The following SERPINI1 variants were observed in gnomAD, a reference collection of about 807,000 sequenced individuals.
SERPINI1 encodes neuroserpin.
A neutral mutation model predicts 41.1 loss-of-function variants in SERPINI1; 19 were observed. The ratio of observed to expected loss-of-function variants is 0.46; its 90% CI spans 0.32 to 0.68. SERPINI1 has a LOEUF of 0.68. SERPINI1 is among the 30% of genes least tolerant of loss of function. The pLI is 0.03. For synonymous variants in SERPINI1, 138 were observed against 156.6 expected, an observed-to-expected ratio of 0.88 and a Z score of 0.89; for missense variants, 460 against 479.2, an observed-to-expected ratio of 0.96 and a Z score of 0.37.
At position 167,761,719 on chromosome 3, in the gene SERPINI1, A is replaced by G. The variant is rs149516664; in HGVS notation, c.-19+25896A>G. Among the ~76,000 whole-genome samples, 4 of 152,320 alleles carry G rather than the reference A, an allele frequency of 2.6e-5. No individual in the cohort carries two copies. The East Asian group carries it at 5.8e-4, about 22-fold the overall frequency. On this transcript the variant is annotated intron_variant, in intron 1 of 8. Coordinates refer to ENST00000446050, the MANE Select transcript of SERPINI1 (RefSeq NM_001122752.2). Reference sequence around the variant, plus strand: ...TAGTTATGACCCTTCTAATTAAATTATAGTTAGAAACTCACTTCTGGGGTG... The same window carrying G: ...TAGTTATGACCCTTCTAATTAAATTGTAGTTAGAAACTCACTTCTGGGGTG...
intron 1 of SERPINI1, among the ~76,000 whole-genome samples, chr3:167,776,759 CAAGAACTCAATAGCCA>C (rs1174104223): frequency 6.6e-6 from 1 of 152,154 alleles, no homozygotes; most frequent in Non-Finnish European, 1.5e-5. Context: ...AGTCAAATTG[CAAGAACTCAATAGCCA>C]AAAGTGGCTG....
intron 5 of SERPINI1, among the ~76,000 whole-genome samples, chr3:167,797,786 A>G (rs571533499): frequency 7.8e-4 from 118 of 152,042 alleles, no homozygotes; most frequent in Non-Finnish European, 1.0e-3. Flanking sequence ...CTAAATATAT[A>G]AACAATGTAC....
intron 1 of SERPINI1, among the ~76,000 whole-genome samples, chr3:167,757,663 A>C (rs1726236990): frequency 6.6e-6 from 1 of 152,180 alleles, no homozygotes; most frequent in Non-Finnish European, 1.5e-5. Context: ...TCATGCCTAT[A>C]ATCCTAGCAC....
chr3:167,762,277 A>T (rs972534623), intron 1 of SERPINI1, among the ~76,000 whole-genome samples: 2 of 150,238 alleles, frequency 1.3e-5, no homozygotes, highest in Non-Finnish European at 3.0e-5. Context: ...TCATGATACC[A>T]CTCCTGCAGT....
At chr3:167,792,557 T>C in intron 3 of SERPINI1, 33 bp from the exon 4 acceptor site, 9 of 1,587,646 alleles carry the variant, frequency 5.7e-6, no homozygotes, top group Non-Finnish European at 6.9e-6. Flanking sequence ...CAGTTTAACA[T>C]GAATTTTTAT....
Position 167,746,031 on chromosome 3 carries a change from T to C in SERPINI1, c.-19+10208T>C, listed in dbSNP as rs1725853945. On this transcript the variant is annotated intron_variant, in intron 1 of 8. Transcript: ENST00000446050. ...TTAATGAATCAAAATGTCAGCCACT[T>C]TTTTTGCAGCAATTGACAAGTTGAA... Among the ~76,000 whole-genome samples the C allele has an allele frequency of 2.0e-5, 3 of 152,140 alleles. 1 individual carries two copies. The South Asian group carries it at 6.2e-4, about 31-fold the overall frequency.
chr3:167,764,555 T>C (rs1214469292), intron 1 of SERPINI1, among the ~76,000 whole-genome samples: 1 of 152,230 alleles, frequency 6.6e-6, no homozygotes. Flanking sequence ...GAATTCAAGA[T>C]GAGATTTGGG....
At chr3:167,766,315 C>A (rs1726566001) in intron 1 of SERPINI1, among the ~76,000 whole-genome samples, 1 of 151,728 alleles carries the variant, frequency 6.6e-6, no homozygotes, top group Non-Finnish European at 1.5e-5. Flanking sequence ...GGGAGCAACT[C>A]ACATCTTATA....
rs1712477832 is a variant in SERPINI1 at position 167,825,257 on chromosome 3, A to G, written c.1167A>G (p.Leu389=). ...TCTGAACCAATACAGGTACAATTCTATTCATGGGACGAGTCATGCATCCTG... is the reference window on the plus strand; with the variant it reads ...TCTGAACCAATACAGGTACAATTCTGTTCATGGGACGAGTCATGCATCCTG... ...LIRNRRTGTI[L]FMGRVMHPET... The change falls in exon 9 of 9, where the codon CTA becomes CTG. Residue 389 remains leucine (L), a synonymous_variant. Coordinates refer to ENST00000446050, the MANE Select transcript of SERPINI1 (RefSeq NM_001122752.2). The G allele has an allele frequency of 6.2e-7, 1 of 1,611,792 alleles. No homozygotes were observed. The highest frequency in any genetic ancestry group is 8.5e-7 in the Non-Finnish European group (1 of 1,177,922).
chr3:167,741,213 T>G (rs1725667869), intron 1 of SERPINI1, among the ~76,000 whole-genome samples: 2 of 152,226 alleles, frequency 1.3e-5, no homozygotes, highest in African/African-American at 4.8e-5. Flanking sequence ...ACTTCTGAGC[T>G]CCTCACAGCT....
chr3:167,743,157 T>C (rs948281407), intron 1 of SERPINI1, among the ~76,000 whole-genome samples: 3 of 152,134 alleles, frequency 2.0e-5, no homozygotes, highest in Non-Finnish European at 2.9e-5. Context: ...AGTATTAGGA[T>C]TTCTTTTATG....
At chr3:167,802,883 T>C (rs1711503807) in intron 5 of SERPINI1, among the ~76,000 whole-genome samples, 2 of 149,952 alleles carry the variant, frequency 1.3e-5, no homozygotes, top group South Asian at 4.2e-4. Flanking sequence ...AACCCAAATG[T>C]CCAACAATGA....
At chr3:167,768,896 A>C (rs1726649720) in intron 1 of SERPINI1, among the ~76,000 whole-genome samples, 1 of 152,146 alleles carries the variant, frequency 6.6e-6, no homozygotes, top group African/African-American at 2.4e-5. Context: ...CAAGTTTTTC[A>C]TTTGCTGCAG....
At chr3:167,817,454 C>G (rs1471580104) in intron 6 of SERPINI1, among the ~76,000 whole-genome samples, 11 of 152,008 alleles carry the variant, frequency 7.2e-5, no homozygotes, top group African/African-American at 2.7e-4. Flanking sequence ...TTAAAATCAC[C>G]TAGAAAACCA....
chr3:167,801,342 A>G (rs1727892527), intron 5 of SERPINI1, among the ~76,000 whole-genome samples: 1 of 152,256 alleles, frequency 6.6e-6, no homozygotes. Flanking sequence ...CTTTATTAAA[A>G]TAGGCATGCC....
chr3:167,779,809 A>T (rs903718906), intron 1 of SERPINI1, among the ~76,000 whole-genome samples: 4 of 152,276 alleles, frequency 2.6e-5, no homozygotes, highest in Admixed American at 6.5e-5. Flanking sequence ...AATAGTACAG[A>T]AAAAAAGAGC....
At chr3:167,795,575 AG>A (rs1727684160) in intron 5 of SERPINI1, among the ~76,000 whole-genome samples, 1 of 152,158 alleles carries the variant, frequency 6.6e-6, no homozygotes, top group Non-Finnish European at 1.5e-5. Context: ...CTTAGCCTTC[AG>A]GGTACACCTC....
chr3:167,745,679 A>G (rs1725842804), intron 1 of SERPINI1, among the ~76,000 whole-genome samples: 2 of 152,132 alleles, frequency 1.3e-5, no homozygotes, highest in Admixed American at 1.3e-4. Flanking sequence ...ATCCACATGA[A>G]AAACTATTAG....
chr3:167,746,306 G>A lies in SERPINI1; in HGVS notation c.-19+10483G>A, dbSNP rs139595152. Among the ~76,000 whole-genome samples the A allele has an allele frequency of 3.1e-3, 471 of 152,266 alleles. 3 individuals carry two copies. The highest frequency in any genetic ancestry group is 0.011 in the African/African-American group (456 of 41,558). On this transcript the variant is annotated intron_variant, in intron 1 of 8. Transcript: ENST00000446050. ...CTTAAAATGGATTACAGGCCTAAAT[G>A]TAAGAGCTATAACTATAAAACTTAA...
Sources: gnomAD v4.1 joint callset for allele counts (sites outside exome capture counted in the v4.1 genomes callset) on GRCh38, gnomAD v4.1.1 for gene constraint, MANE v1.5 for transcripts, NCBI Gene and HGNC (gene_info 2026-07-23, HGNC 2026-07-21) for gene names.